DCDC2C: variants seen among roughly 807,000 people sequenced by gnomAD.
DCDC2C encodes the protein doublecortin domain-containing protein 2C.
In DCDC2C, 44 loss-of-function variants were observed where a neutral mutation model predicts 45.0. That is an observed-to-expected ratio of 0.98 (90% CI 0.77 to 1.26). DCDC2C has a LOEUF of 1.26. DCDC2C is among the 50% of genes most tolerant of loss of function. The pLI, the probability that DCDC2C is intolerant of heterozygous loss-of-function variation, is 0.00. For synonymous variants in DCDC2C, 187 were observed against 178.8 expected (o/e 1.05, Z -0.37); for missense variants, 447 against 468.9 (o/e 0.95, Z 0.43).
chr2:3,735,745 T>C (rs953183720), intron 3 of DCDC2C, among the ~76,000 whole-genome samples: 2 of 152,072 alleles, frequency 1.3e-5, no homozygotes, highest in African/African-American at 4.8e-5. Context: ...TGTGAAATAC[T>C]GTGTGTTAAA....
intron 10 of DCDC2C, among the ~76,000 whole-genome samples, chr2:3,836,725 G>GTA (rs1225134470): frequency 3.9e-5 from 6 of 152,120 alleles, no homozygotes; most frequent in Admixed American, 2.6e-4. Context: ...AGCCGGGCAC[G>GTA]GTGGCGGGCA....
intron 10 of DCDC2C, among the ~76,000 whole-genome samples, chr2:3,789,696 C>G (rs1670754058): frequency 1.3e-5 from 2 of 152,212 alleles, no homozygotes; most frequent in Non-Finnish European, 2.9e-5. Context: ...GCTTATATGT[C>G]TCCTTCTTTC....
intron 10 of DCDC2C, among the ~76,000 whole-genome samples, chr2:3,813,060 TA>T (rs1558238712): frequency 0.024 from 1,860 of 76,350 alleles, 47 homozygotes; most frequent in Middle Eastern, 0.047. Context: ...TATATATATA[TA>T]TATATATTTT....
rs1160245934 is a variant in DCDC2C, at chr2:3,734,789, C to G, written c.417-7131C>G. ...TGGGGAGAAGACTCCAAGACATGATCCTCTCCTTCATGCACAAGGAAGGAC... is the reference window on the plus strand; with the variant it reads ...TGGGGAGAAGACTCCAAGACATGATGCTCTCCTTCATGCACAAGGAAGGAC... On this transcript the variant is annotated intron_variant, in intron 3 of 10. Transcript: ENST00000399143. This position sits in a 1 kb window ranked among gnomAD's most constrained non-coding sequence, Gnocchi z 4.2. Among the ~76,000 whole-genome samples, 1 of 152,164 alleles carries G rather than the reference C, an allele frequency of 6.6e-6. No homozygotes were observed. Among genetic ancestry groups the G allele is most frequent in the Non-Finnish European group, 1.5e-5 (1 of 68,038 alleles).
chr2:3,802,361 G>C (rs10164826), intron 10 of DCDC2C, among the ~76,000 whole-genome samples: 31,357 of 152,196 alleles, frequency 0.21, 3,495 homozygotes, highest in South Asian at 0.36. Context: ...CTCTTGCTCA[G>C]CATTCCAGGT....
chr2:3,821,305 G>C (rs1203142988), intron 10 of DCDC2C, among the ~76,000 whole-genome samples: 7 of 152,172 alleles, frequency 4.6e-5, no homozygotes, highest in Non-Finnish European at 5.9e-5. Flanking sequence ...GGTCACAGGG[G>C]ATATGATGGT....
At position 3,761,075 on chromosome 2, in the gene DCDC2C, GA is replaced by G. The variant is rs1419592647; in HGVS notation, c.726+6443del. On this transcript the variant is annotated intron_variant, in intron 6 of 10. Coordinates refer to ENST00000399143, the MANE Select transcript of DCDC2C (RefSeq NM_001287444.2). This position sits in a 1 kb window ranked among gnomAD's most constrained non-coding sequence, Gnocchi z 4.3. ...TTTAGTCCAATGAAAGTAATTGAAT[GA>G]AGCTACTCTCATTATATAGCATTCA... Among the ~76,000 whole-genome samples the G allele has an allele frequency of 6.6e-6, 1 of 152,192 alleles. No individual in the cohort carries two copies. Among genetic ancestry groups the G allele is most frequent in the Non-Finnish European group, 1.5e-5 (1 of 68,026 alleles).
rs867205436 is a variant in DCDC2C, at chr2:3,734,539, C to T, written c.417-7381C>T. 5.3e-5 allele frequency among the ~76,000 whole-genome samples: 8 copies of T among 152,084 alleles called. 1 individual carries two copies. In the East Asian group the frequency reaches 9.6e-4, roughly 18 times the overall value. On this transcript the variant is annotated intron_variant, in intron 3 of 10. Transcript: ENST00000399143. The surrounding 1 kb of genome is among the most constrained non-coding windows in gnomAD (Gnocchi z 4.2). Reference sequence around the variant, plus strand: ...ATGTGAGGGGGAAAGCAGTAGATTTCGTAAGAGGGAAGTTTAGCCACAGAG... The same window carrying T: ...ATGTGAGGGGGAAAGCAGTAGATTTTGTAAGAGGGAAGTTTAGCCACAGAG...
chr2:3,765,846 A>G (rs1348353174), intron 6 of DCDC2C, among the ~76,000 whole-genome samples: 1 of 152,208 alleles, frequency 6.6e-6, no homozygotes, highest in East Asian at 1.9e-4. Context: ...GGGAAGGGAC[A>G]GGGCACCCCT....
At chr2:3,826,569 C>T (rs572069327) in intron 10 of DCDC2C, among the ~76,000 whole-genome samples, 11 of 152,092 alleles carry the variant, frequency 7.2e-5, no homozygotes, top group Admixed American at 1.3e-4. Flanking sequence ...CCCTGCCCCA[C>T]GAGGTCACAG....
At chr2:3,819,151 G>A (rs747947389) in intron 10 of DCDC2C, among the ~76,000 whole-genome samples, 37 of 152,196 alleles carry the variant, frequency 2.4e-4, no homozygotes, top group Non-Finnish European at 1.9e-4. Flanking sequence ...CTAGGTGATC[G>A]GACAGCATCA....
intron 2 of DCDC2C, among the ~76,000 whole-genome samples, chr2:3,723,091 C>T (rs113984609): frequency 3.9e-5 from 6 of 152,144 alleles, no homozygotes; most frequent in African/African-American, 1.4e-4. Flanking sequence ...CTTTTCAGAG[C>T]ATCAGAGCTG....
intron 1 of DCDC2C, among the ~76,000 whole-genome samples, chr2:3,705,772 C>A (rs1668049061): frequency 6.6e-6 from 1 of 152,106 alleles, no homozygotes; most frequent in South Asian, 2.1e-4. Flanking sequence ...ATGTTTTGGA[C>A]ATGTAGCAAA....
chr2:3,792,347 G>T lies in DCDC2C; in HGVS notation c.1065+7247G>T, dbSNP rs548529270. Among the ~76,000 whole-genome samples the T allele has an allele frequency of 2.0e-5, 3 of 152,258 alleles. No homozygotes were observed. The East Asian group carries it at 5.8e-4, about 29-fold the overall frequency. On this transcript the variant is annotated intron_variant, in intron 10 of 10. Coordinates refer to ENST00000399143, the MANE Select transcript of DCDC2C (RefSeq NM_001287444.2). Reference sequence around the variant, plus strand: ...TTCAGATTCCATTTCTGTTCTCCACGAGTGGCCCCTTGTCCTACTTCTGTT... The same window carrying T: ...TTCAGATTCCATTTCTGTTCTCCACTAGTGGCCCCTTGTCCTACTTCTGTT...
At chr2:3,758,861 C>G in intron 6 of DCDC2C, among the ~76,000 whole-genome samples, 1 of 152,212 alleles carries the variant, frequency 6.6e-6, no homozygotes, top group East Asian at 1.9e-4. Flanking sequence ...TGTGGCCTCT[C>G]ATCTTCCAGC....
rs1668344917 is a variant in DCDC2C at position 3,716,123 on chromosome 2, G to A, written c.339+7523G>A. 3.9e-5 allele frequency among the ~76,000 whole-genome samples: 6 copies of A among 152,336 alleles called. No individual in the cohort carries two copies. In the South Asian group the frequency reaches 1.2e-3, roughly 32 times the overall value. On this transcript the variant is annotated intron_variant, in intron 2 of 10. Coordinates refer to ENST00000399143, the MANE Select transcript of DCDC2C (RefSeq NM_001287444.2). ...GTTGATAGCCATGAGTTAGGAGGCT[G>A]CTGCAATGATCCAGGCAAGGGACAG...
chr2:3,822,206 A>T (rs1032064014), intron 10 of DCDC2C, among the ~76,000 whole-genome samples: 1 of 152,006 alleles, frequency 6.6e-6, no homozygotes, highest in African/African-American at 2.4e-5. Context: ...TAATTCTTTA[A>T]ATGTTTGGTA....
At chr2:3,825,999 G>GA in intron 10 of DCDC2C, among the ~76,000 whole-genome samples, 1 of 152,096 alleles carries the variant, frequency 6.6e-6, no homozygotes, top group East Asian at 1.9e-4. Context: ...TTCTGTTTCA[G>GA]GAAAACAATT....
intron 2 of DCDC2C, among the ~76,000 whole-genome samples, chr2:3,725,052 G>A (rs1200886872): frequency 1.3e-5 from 2 of 152,160 alleles, no homozygotes; most frequent in Non-Finnish European, 2.9e-5. Flanking sequence ...TGTGGAAGGA[G>A]GCCCTATTGA....
Sources: allele counts gnomAD v4.1 joint callset (sites outside exome capture counted in the v4.1 genomes callset), GRCh38; gene constraint gnomAD v4.1.1; non-coding constraint Gnocchi (gnomAD v3.1); transcripts MANE v1.5; gene names NCBI Gene and HGNC (gene_info 2026-07-23, HGNC 2026-07-21).